MYO1C: variants seen among roughly 807,000 people sequenced by gnomAD.
The protein encoded by MYO1C is unconventional myosin-Ic.
MYO1C carries 104 observed loss-of-function variants against 150.8 expected under a neutral mutation model. The observed-to-expected ratio is 0.69, with a 90% CI of 0.59 to 0.81. MYO1C has a LOEUF of 0.81. Ranked by LOEUF, MYO1C falls within the 30% of genes least tolerant of loss-of-function variation. MYO1C has a pLI of 0.00. For synonymous variants in MYO1C, 663 were observed against 579.9 expected, an observed-to-expected ratio of 1.14 and a Z score of -2.06; for missense variants, 1,504 against 1,435.0, an observed-to-expected ratio of 1.05 and a Z score of -0.78.
At chr17:1,474,550 C>G in intron 17 of MYO1C, 60 bp downstream of exon 17, 1 of 1,560,344 alleles carries the variant, frequency 6.4e-7, no homozygotes, top group Non-Finnish European at 8.8e-7. Context: ...CAGGCTCACA[C>G]AGGCCCTCAT....
intron 1 of MYO1C, among the ~76,000 whole-genome samples, chr17:1,490,515 C>T (rs765588940): frequency 6.6e-6 from 1 of 151,892 alleles, no homozygotes. Context: ...AACAAAACAA[C>T]AACAAAAACA....
chr17:1,465,770 G>A lies in MYO1C; in HGVS notation c.3166-18C>T. 1 of 1,319,078 alleles carries A rather than the reference G, an allele frequency of 7.6e-7. No homozygotes were observed. Among genetic ancestry groups the A allele is most frequent in the East Asian group, 2.8e-5 (1 of 35,700 alleles). The allele number at this position is 1,319,078 out of a possible 1,614,324, so 81.7% of individuals were successfully genotyped here. Reference sequence around the variant, plus strand: ...GGGGCGACCTGTGGGGGCGGAGAGAGACGGCCAAGTGGTGAGGGGAGCAGA... The same window carrying A: ...GGGGCGACCTGTGGGGGCGGAGAGAAACGGCCAAGTGGTGAGGGGAGCAGA... On this transcript the variant is annotated intron_variant, in intron 31 of 31. Transcript: ENST00000648651.
chr17:1,480,658 T>TGGC, intron 6 of MYO1C, 33 bp from the exon 7 acceptor site: 1 of 1,614,028 alleles, frequency 6.2e-7, no homozygotes, highest in East Asian at 2.2e-5. Flanking sequence ...TTGCCAGCCC[T>TGGC]GGCACCAGAT....
chr17:1,472,555 G>A (rs1160087067), intron 17 of MYO1C, among the ~76,000 whole-genome samples: 1 of 152,214 alleles, frequency 6.6e-6, no homozygotes, highest in African/African-American at 2.4e-5. Flanking sequence ...TTCCTAAACA[G>A]CATGTCCCAT....
intron 14 of MYO1C, among the ~76,000 whole-genome samples, chr17:1,476,439 T>C (rs1468801164): frequency 3.3e-5 from 5 of 152,228 alleles, no homozygotes; most frequent in African/African-American, 1.2e-4. Flanking sequence ...CCTCCCACAG[T>C]GTCGGGATGA....
At chr17:1,490,544 A>G (rs1019626456) in intron 1 of MYO1C, among the ~76,000 whole-genome samples, 2 of 152,122 alleles carry the variant, frequency 1.3e-5, no homozygotes, top group Non-Finnish European at 2.9e-5. Context: ...CCTCACCTCC[A>G]TCACTGCTCC....
rs1221810531 is a variant in MYO1C, at chr17:1,479,764, C to A, written c.907-59G>T. 1.6e-6 allele frequency: 2 copies of A among 1,258,220 alleles called. No homozygotes were observed. Among genetic ancestry groups the A allele is most frequent in the Non-Finnish European group, 2.3e-6 (2 of 879,368 alleles). 77.9% of individuals were successfully genotyped at this position (1,258,220 alleles called of 1,614,324 possible). A position where few individuals can be genotyped will look rare whatever the true frequency, so the allele number is the denominator to read the frequency against. On this transcript the variant is annotated intron_variant, in intron 7 of 31. Transcript: ENST00000648651. This position sits in a 1 kb window ranked among gnomAD's most constrained non-coding sequence, Gnocchi z 4.2. ...GAGGGGCCAGAGAGCCCCAAGAGGG[C>A]AACTAGCAGATGGCCATGCAGGGGT...
At chr17:1,481,721 G>A (rs2074524970) in intron 5 of MYO1C, among the ~76,000 whole-genome samples, 1 of 150,738 alleles carries the variant, frequency 6.6e-6, no homozygotes, top group Non-Finnish European at 1.5e-5. Flanking sequence ...GGCTGGTCTT[G>A]AACTCCCGAC....
Position 1,479,367 on chromosome 17 carries a change from T to C in MYO1C, c.1092+64A>G. The C allele has an allele frequency of 2.5e-6, 2 of 816,114 alleles. No homozygotes were observed. The highest frequency in any genetic ancestry group is 2.6e-5 in the East Asian group (1 of 37,812). The allele number at this position is 816,114 out of a possible 1,614,324, so 50.6% of individuals were successfully genotyped here. A position where few individuals can be genotyped will look rare whatever the true frequency, so the allele number is the denominator to read the frequency against. On this transcript the variant is annotated intron_variant, in intron 9 of 31. Coordinates refer to ENST00000648651, the MANE Select transcript of MYO1C (RefSeq NM_001080779.2). The surrounding 1 kb of genome is among the most constrained non-coding windows in gnomAD (Gnocchi z 4.2). ...GAGGGAACCAGGCGAAGGGGAGTGA[T>C]GGGAGTAGGGGCTGCCTTGGAACAG...
At chr17:1,490,112 T>A (rs1196581386) in intron 1 of MYO1C, among the ~76,000 whole-genome samples, 1 of 148,682 alleles carries the variant, frequency 6.7e-6, no homozygotes, top group Non-Finnish European at 1.5e-5. Context: ...GAGAGAAGGG[T>A]GGCACTGTTT....
intron 24 of MYO1C, among the ~76,000 whole-genome samples, chr17:1,469,860 C>T (rs1014995683): frequency 2.0e-5 from 3 of 152,168 alleles, no homozygotes; most frequent in African/African-American, 7.2e-5. Flanking sequence ...CAGGGTGAAA[C>T]CCCGTCTCTA....
rs2074151084 is a variant in MYO1C, at chr17:1,465,481, G to A, written c.*245C>T. ...TCTCAAATATTTGGCATCGGCAGTA[G>A]GGCTGGCATGGCTCGCTCTGGCCCT... On this transcript the variant is annotated 3_prime_UTR_variant, in exon 32 of 32. Transcript: ENST00000648651. 1 of 395,686 alleles carries A rather than the reference G, an allele frequency of 2.5e-6. No individual in the cohort carries two copies. The highest frequency in any genetic ancestry group is 4.5e-6 in the Non-Finnish European group (1 of 223,826). The allele number at this position is 395,686 out of a possible 1,614,324, so 24.5% of individuals were successfully genotyped here.
In MYO1C at chr17:1,479,558, CGTCCT is replaced by C; in HGVS notation, c.1020+29_1020+33del. ...GTGCACCCCCAGCCCCCGCCCCCGC[CGTCCT>C]CCCGTCGCCCTCTGCCCGCCCCACT... On this transcript the variant is annotated intron_variant, in intron 8 of 31. Transcript: ENST00000648651. This position sits in a 1 kb window ranked among gnomAD's most constrained non-coding sequence, Gnocchi z 4.2. 28 of 1,475,254 alleles carry C rather than the reference CGTCCT, an allele frequency of 1.9e-5. No homozygotes were observed. The highest frequency in any genetic ancestry group is 2.5e-5 in the Non-Finnish European group (27 of 1,067,872). 91.4% of individuals were successfully genotyped at this position (1,475,254 alleles called of 1,614,324 possible). A position where few individuals can be genotyped will look rare whatever the true frequency, so the allele number is the denominator to read the frequency against.
In MYO1C at chr17:1,467,335, C is replaced by T. The variant is rs775198165; in HGVS notation, c.3072G>A (p.Thr1024=). Residue 1024 remains threonine, a synonymous_variant, in exon 31 of 32, where the codon ACG becomes ACA. Coordinates refer to ENST00000648651, the MANE Select transcript of MYO1C (RefSeq NM_001080779.2). ...CATCCCTGCCGGGGCCCCCTGCAAA[C>T]GTGATGCTGGGGGAACGGGGTGGGT... The part of the protein sequence containing the change: ...NSININQGSI[T]FAGGPGRDGT... 321 of 1,612,580 alleles carry T rather than the reference C, an allele frequency of 2.0e-4. No homozygotes were observed. Among genetic ancestry groups the T allele is most frequent in the Non-Finnish European group, 2.6e-4 (301 of 1,179,486 alleles).
At chr17:1,465,891 T>G in intron 31 of MYO1C, 139 bp from the exon 32 acceptor site, 1 of 580,838 alleles carries the variant, frequency 1.7e-6, no homozygotes. Context: ...GGTCTTGGAC[T>G]CCTGGGCTCA....
In MYO1C at chr17:1,464,644, A is replaced by G. The variant is rs2074134974; in HGVS notation, c.*1082T>C. The G allele has an allele frequency of 6.6e-6, 1 of 152,646 alleles. No individual in the cohort carries two copies. Among genetic ancestry groups the G allele is most frequent in the Non-Finnish European group, 1.5e-5 (1 of 68,056 alleles). The allele number at this position is 152,646 out of a possible 1,614,324, so 9.5% of individuals were successfully genotyped here. A position where few individuals can be genotyped will look rare whatever the true frequency, so the allele number is the denominator to read the frequency against. ...TCTTGGTTTTGTGGCAACCTGCCGTATGACCGTGGGCAAGTGCCTTCTCCT... is the reference window on the plus strand; with the variant it reads ...TCTTGGTTTTGTGGCAACCTGCCGTGTGACCGTGGGCAAGTGCCTTCTCCT... On this transcript the variant is annotated 3_prime_UTR_variant, in exon 32 of 32. Transcript: ENST00000648651.
chr17:1,485,065 C>T (rs1283963368), intron 1 of MYO1C: 2 of 1,227,572 alleles, frequency 1.6e-6, no homozygotes, highest in Non-Finnish European at 2.1e-6. Flanking sequence ...CTGCTGGGCT[C>T]CCCAGGCACC....
Position 1,478,876 on chromosome 17 carries a change from G to A in MYO1C, c.1093-141C>T, listed in dbSNP as rs2074455166. ...AGCCTGCAGTATGGGGAGGGGTGCTGGTAGTGGGACCTCAGGGAGGACAGG... is the reference window on the plus strand; with the variant it reads ...AGCCTGCAGTATGGGGAGGGGTGCTAGTAGTGGGACCTCAGGGAGGACAGG... On this transcript the variant is annotated intron_variant, in intron 9 of 31. Transcript: ENST00000648651. The surrounding 1 kb of genome is among the most constrained non-coding windows in gnomAD (Gnocchi z 6.3). 7.3e-7 allele frequency: 1 copy of A among 1,378,358 alleles called. No individual in the cohort carries two copies. The highest frequency in any genetic ancestry group is 1.0e-6 in the Non-Finnish European group (1 of 1,003,666). 85.4% of individuals were successfully genotyped at this position (1,378,358 alleles called of 1,614,324 possible). A position where few individuals can be genotyped will look rare whatever the true frequency, so the allele number is the denominator to read the frequency against.
chr17:1,485,096 G>A, intron 1 of MYO1C: 1 of 1,248,410 alleles, frequency 8.0e-7, no homozygotes, highest in Non-Finnish European at 1.0e-6. Flanking sequence ...AGAGTCCTGA[G>A]AAGCCTCAGG....
Sources: allele counts gnomAD v4.1 joint callset (sites outside exome capture counted in the v4.1 genomes callset), GRCh38; gene constraint gnomAD v4.1.1; non-coding constraint Gnocchi (gnomAD v3.1); transcripts MANE v1.5; gene names NCBI Gene and HGNC (gene_info 2026-07-23, HGNC 2026-07-21).